MAF: variants seen among roughly 807,000 people sequenced by gnomAD.
MAF encodes MAF bZIP transcription factor.
In MAF, 10 loss-of-function variants were observed where a neutral mutation model predicts 22.0. The ratio of observed to expected loss-of-function variants is 0.45; its 90% CI spans 0.28 to 0.77. The LOEUF (loss-of-function observed/expected upper bound fraction) is 0.77, where lower values mean the gene tolerates loss of function less well. Ranked by LOEUF, MAF falls within the 30% of genes least tolerant of loss-of-function variation. The pLI is 0.12. For synonymous variants in MAF, 337 were observed against 255.8 expected (o/e 1.32, Z -3.03); for missense variants, 544 against 548.4 (o/e 0.99, Z 0.08).
At chr16:79,573,122 T>A in the MAF span, among the ~76,000 whole-genome samples, 1 of 152,218 alleles carries the variant, frequency 6.6e-6, no homozygotes, top group Non-Finnish European at 1.5e-5. Context: ...TATTAGGTCA[T>A]TTATCTTCTT....
At chr16:79,213,378 C>CCTT in the MAF span, among the ~76,000 whole-genome samples, 2 of 152,212 alleles carry the variant, frequency 1.3e-5, no homozygotes, top group Non-Finnish European at 2.9e-5. Flanking sequence ...CTTACGTAAT[C>CCTT]CTTATTATCA....
At chr16:79,431,180 A>G in the MAF span, among the ~76,000 whole-genome samples, 1 of 152,126 alleles carries the variant, frequency 6.6e-6, no homozygotes, top group African/African-American at 2.4e-5. Flanking sequence ...TCAACCAAGC[A>G]TTTTTGTGCA....
chr16:79,524,651 T>A, the MAF span, among the ~76,000 whole-genome samples: 1 of 152,232 alleles, frequency 6.6e-6, no homozygotes, highest in Non-Finnish European at 1.5e-5. Context: ...AGAATTCTGG[T>A]TTTCCTCGAC....
the MAF span, among the ~76,000 whole-genome samples, chr16:79,214,152 C>A: frequency 2.0e-5 from 3 of 152,172 alleles, no homozygotes; most frequent in South Asian, 6.2e-4. Context: ...CATTCTTATT[C>A]CCCTTCCCCT....
chr16:79,223,461 G>C, the MAF span, among the ~76,000 whole-genome samples: 20 of 152,274 alleles, frequency 1.3e-4, no homozygotes, highest in African/African-American at 4.6e-4. Flanking sequence ...AACTAGAGAA[G>C]CAAGAGCAAA....
the MAF span, among the ~76,000 whole-genome samples, chr16:79,262,150 T>A: frequency 2.0e-5 from 3 of 152,132 alleles, no homozygotes; most frequent in Non-Finnish European, 2.9e-5. Context: ...ACATATGTTG[T>A]CTGAGGTCAT....
At chr16:79,254,640 C>G in the MAF span, among the ~76,000 whole-genome samples, 1 of 152,116 alleles carries the variant, frequency 6.6e-6, no homozygotes, top group Non-Finnish European at 1.5e-5. Flanking sequence ...CTACTATTGA[C>G]TTTCTGCTTC....
the MAF span, among the ~76,000 whole-genome samples, chr16:79,483,815 T>C: frequency 3.9e-4 from 59 of 152,142 alleles, no homozygotes; most frequent in Non-Finnish European, 7.8e-4. Flanking sequence ...AAGGTCTCCA[T>C]CCTGTGAGCA....
At chr16:79,525,584 T>A in the MAF span, among the ~76,000 whole-genome samples, 1 of 152,210 alleles carries the variant, frequency 6.6e-6, no homozygotes, top group Non-Finnish European at 1.5e-5. Flanking sequence ...CCCCTTCAAG[T>A]GGAAAAATTA....
At chr16:79,319,048 A>G in the MAF span, among the ~76,000 whole-genome samples, 1 of 149,124 alleles carries the variant, frequency 6.7e-6, no homozygotes, top group African/African-American at 2.6e-5. Context: ...CACTTCTGTG[A>G]TGAATCACAG....
the MAF span, among the ~76,000 whole-genome samples, chr16:79,273,403 G>A: frequency 9.9e-5 from 15 of 152,262 alleles, no homozygotes; most frequent in East Asian, 7.7e-4. Context: ...TGAGTGAAAC[G>A]TCCATTTGCT....
rs142604247 is a variant in MAF, at chr16:79,586,615, C to G, written c.1119-674G>C. ...AATCTTTTTGCTTCACAGTGAATAACAAAGCACAGTAATTCAAAGTAGTTA... is the reference window on the plus strand; with the variant it reads ...AATCTTTTTGCTTCACAGTGAATAAGAAAGCACAGTAATTCAAAGTAGTTA... On this transcript the variant is annotated intron_variant, in intron 1 of 1. Transcript: ENST00000569649. 4.2e-3 allele frequency among the ~76,000 whole-genome samples: 640 copies of G among 152,246 alleles called. 6 individuals are homozygous for G. Among genetic ancestry groups the G allele is most frequent in the African/African-American group, 0.015 (609 of 41,550 alleles).
chr16:79,216,655 A>G, the MAF span, among the ~76,000 whole-genome samples: 1 of 152,158 alleles, frequency 6.6e-6, no homozygotes, highest in Admixed American at 6.5e-5. Flanking sequence ...ATGATGTTCA[A>G]TACATTAGGT....
chr16:79,592,484 C>A (rs530647144), downstream of MAF, among the ~76,000 whole-genome samples: 29 of 152,318 alleles, frequency 1.9e-4, no homozygotes, highest in African/African-American at 6.7e-4. Context: ...AGTGTTATGG[C>A]AAGTTGGGTT....
At chr16:79,452,390 T>C in the MAF span, among the ~76,000 whole-genome samples, 1 of 152,192 alleles carries the variant, frequency 6.6e-6, no homozygotes, top group Non-Finnish European at 1.5e-5. Flanking sequence ...TAAATAAAAG[T>C]CTATCTTATG....
At chr16:79,221,723 G>T in the MAF span, among the ~76,000 whole-genome samples, 1 of 151,934 alleles carries the variant, frequency 6.6e-6, no homozygotes, top group African/African-American at 2.4e-5. Context: ...GTATGTGTGT[G>T]TGTGCACGTG....
the MAF span, among the ~76,000 whole-genome samples, chr16:79,393,783 C>T: frequency 6.6e-6 from 1 of 152,124 alleles, no homozygotes; most frequent in African/African-American, 2.4e-5. Context: ...TTGGCAGGAT[C>T]TAAAATCAAA....
the MAF span, among the ~76,000 whole-genome samples, chr16:79,331,191 T>C: frequency 4.1e-4 from 63 of 152,280 alleles, no homozygotes; most frequent in African/African-American, 1.4e-3. Flanking sequence ...TAATCCCACA[T>C]GGAAGATGAA....
downstream of MAF, among the ~76,000 whole-genome samples, chr16:79,592,420 C>T (rs1219698042): frequency 6.6e-6 from 1 of 152,216 alleles, no homozygotes; most frequent in Non-Finnish European, 1.5e-5. Flanking sequence ...TTCCCCTTTT[C>T]TGGGGCTGTT....
Sources: gnomAD v4.1 joint callset for allele counts (sites outside exome capture counted in the v4.1 genomes callset) on GRCh38, gnomAD v4.1.1 for gene constraint, MANE v1.5 for transcripts, NCBI Gene and HGNC (gene_info 2026-07-23, HGNC 2026-07-21) for gene names.